Variants in SCYL2 observed in about 807,000 individuals in gnomAD.
SCYL2 encodes the protein SCY1-like protein 2.
A neutral mutation model predicts 100.4 loss-of-function variants in SCYL2; 36 were observed. The observed-to-expected ratio is 0.36, with a 90% confidence interval of 0.27 to 0.47. The LOEUF is 0.47. SCYL2 is among the 20% of genes least tolerant of loss of function. The pLI is 1.00. For synonymous variants in SCYL2, 330 were observed against 359.2 expected, an observed-to-expected ratio of 0.92 and a Z score of 0.92; for missense variants, 902 against 1,083.9, an observed-to-expected ratio of 0.83 and a Z score of 2.36.
intron 11 of SCYL2, among the ~76,000 whole-genome samples, chr12:100,325,237 G>A (rs1028920744): frequency 2.0e-5 from 3 of 152,008 alleles, no homozygotes; most frequent in Non-Finnish European, 2.9e-5. Context: ...AAAGCAAAGC[G>A]AGTACCTGTT....
At chr12:100,312,703 T>C (rs765800430) in intron 6 of SCYL2, 50 bp downstream of exon 6, 1 of 1,366,652 alleles carries the variant, frequency 7.3e-7, no homozygotes, top group Admixed American at 2.1e-5. Flanking sequence ...ATTAAATGTG[T>C]CTTTGATTTT....
intron 1 of SCYL2, 80 bp from the exon 2 acceptor site, chr12:100,282,863 C>T (rs2096300377): frequency 3.1e-6 from 2 of 637,420 alleles, no homozygotes; most frequent in Non-Finnish European, 5.0e-6. Flanking sequence ...GGAGATCTTA[C>T]ACTTTTCAAA....
intron 1 of SCYL2, among the ~76,000 whole-genome samples, chr12:100,276,587 T>C (rs1274937170): frequency 6.6e-6 from 1 of 152,184 alleles, no homozygotes; most frequent in African/African-American, 2.4e-5. Context: ...ATCCTCCTGC[T>C]TTAGTGTCCC....
intron 7 of SCYL2, among the ~76,000 whole-genome samples, chr12:100,314,192 A>T (rs1357363822): frequency 6.6e-6 from 1 of 152,180 alleles, no homozygotes; most frequent in Non-Finnish European, 1.5e-5. Flanking sequence ...CATGGATTTT[A>T]ACTAATAACT....
Position 100,293,779 on chromosome 12 carries a change from C to T in SCYL2, c.335+2119C>T, listed in dbSNP as rs1302760238. ...CATCTGTTTAACAAAGCACATCTTGCGCCGCCCTTAATCCATTTAACCCTG... is the reference window on the plus strand; with the variant it reads ...CATCTGTTTAACAAAGCACATCTTGTGCCGCCCTTAATCCATTTAACCCTG... On this transcript the variant is annotated intron_variant, in intron 3 of 17. Coordinates refer to ENST00000360820, the MANE Select transcript of SCYL2 (RefSeq NM_017988.6). Among the ~76,000 whole-genome samples, 6 of 152,090 alleles carry T rather than the reference C, an allele frequency of 3.9e-5. No homozygotes were observed. The East Asian group carries it at 5.8e-4, about 15-fold the overall frequency.
chr12:100,294,295 G>C (rs1370725622), intron 3 of SCYL2, among the ~76,000 whole-genome samples: 2 of 132,034 alleles, frequency 1.5e-5, no homozygotes, highest in Non-Finnish European at 3.3e-5. Context: ...GCGGCTGGCC[G>C]GGCAGAGGGG....
chr12:100,287,825 AT>A (rs1367730157), intron 2 of SCYL2, among the ~76,000 whole-genome samples: 4 of 152,210 alleles, frequency 2.6e-5, no homozygotes, highest in African/African-American at 9.6e-5. Context: ...AAGTTAAAAA[AT>A]ATTTTAATTA....
intron 1 of SCYL2, among the ~76,000 whole-genome samples, chr12:100,273,163 A>C (rs2096289289): frequency 6.6e-6 from 1 of 151,626 alleles, no homozygotes; most frequent in African/African-American, 2.4e-5. Flanking sequence ...ATTTCTTACT[A>C]CTCAATGTCC....
chr12:100,269,585 T>G (rs1405959504), intron 1 of SCYL2, among the ~76,000 whole-genome samples: 1 of 152,188 alleles, frequency 6.6e-6, no homozygotes, highest in African/African-American at 2.4e-5. Context: ...TCATCACTGT[T>G]AATCCTTATA....
rs1345465678 is a variant in SCYL2, at chr12:100,340,852, A to T, written c.*1680A>T. 2.0e-5 allele frequency: 3 copies of T among 152,116 alleles called. No homozygotes were observed. Among genetic ancestry groups the T allele is most frequent in the Non-Finnish European group, 4.4e-5 (3 of 67,938 alleles). 9.4% of individuals were successfully genotyped at this position (152,116 alleles called of 1,614,324 possible). A position where few individuals can be genotyped will look rare whatever the true frequency, so the allele number is the denominator to read the frequency against. On this transcript the variant is annotated 3_prime_UTR_variant, in exon 18 of 18. Transcript: ENST00000360820. ...TTTTGTCAAATATATTCACAACTTGACCAGATTAGCTGTCCTGTTTGTAAT... is the reference window on the plus strand; with the variant it reads ...TTTTGTCAAATATATTCACAACTTGTCCAGATTAGCTGTCCTGTTTGTAAT...
chr12:100,294,424 G>T (rs2096315168), intron 3 of SCYL2, among the ~76,000 whole-genome samples: 2 of 114,716 alleles, frequency 1.7e-5, no homozygotes, highest in Non-Finnish European at 3.7e-5. Flanking sequence ...GGCTGGCCGG[G>T]CGGGGGGGCT....
intron 16 of SCYL2, 72 bp from the exon 17 acceptor site, chr12:100,337,315 A>C: frequency 2.5e-6 from 4 of 1,577,438 alleles, no homozygotes; most frequent in Non-Finnish European, 3.4e-6. Flanking sequence ...CTTTACCCGA[A>C]GAGATTATCT....
chr12:100,297,985 A>G (rs1196281708), intron 3 of SCYL2, 46 bp from the exon 4 acceptor site: 2 of 1,391,138 alleles, frequency 1.4e-6, no homozygotes, highest in Admixed American at 2.0e-5. Flanking sequence ...GATTTTGATA[A>G]TGTGTAATAA....
chr12:100,334,403 A>G (rs1305732772), intron 14 of SCYL2, 137 bp downstream of exon 14: 2 of 647,132 alleles, frequency 3.1e-6, no homozygotes, highest in Non-Finnish European at 5.5e-6. Context: ...AAAATTTACC[A>G]TCATGTTAAT....
chr12:100,304,490 A>G (rs2096331639), intron 4 of SCYL2, among the ~76,000 whole-genome samples: 1 of 152,046 alleles, frequency 6.6e-6, no homozygotes, highest in Non-Finnish European at 1.5e-5. Context: ...ACAGTCTCTC[A>G]TGGCTTCCCT....
At chr12:100,294,415 G>C (rs2096315110) in intron 3 of SCYL2, among the ~76,000 whole-genome samples, 1 of 120,586 alleles carries the variant, frequency 8.3e-6, no homozygotes, top group African/African-American at 3.2e-5. Context: ...GGACGGGGCG[G>C]CTGGCCGGGC....
At chr12:100,305,489 G>T (rs1431268485) in intron 4 of SCYL2, among the ~76,000 whole-genome samples, 3 of 152,088 alleles carry the variant, frequency 2.0e-5, no homozygotes, top group Admixed American at 2.0e-4. Context: ...AGAATCTCTG[G>T]GACACAGCTA....
At chr12:100,291,139 T>G (rs1177656617) in intron 2 of SCYL2, among the ~76,000 whole-genome samples, 1 of 152,246 alleles carries the variant, frequency 6.6e-6, no homozygotes, top group Non-Finnish European at 1.5e-5. Flanking sequence ...TTCAAGATTT[T>G]GTAGTATACT....
chr12:100,320,593 T>TAAAC (rs869261830), intron 10 of SCYL2, among the ~76,000 whole-genome samples: 3 of 148,594 alleles, frequency 2.0e-5, no homozygotes. Context: ...AATAAATAAA[T>TAAAC]AAAGTTCCTC....
Sources: gnomAD v4.1 joint callset for allele counts (sites outside exome capture counted in the v4.1 genomes callset) on GRCh38, gnomAD v4.1.1 for gene constraint, MANE v1.5 for transcripts, NCBI Gene and HGNC (gene_info 2026-07-23, HGNC 2026-07-21) for gene names.